Variants in RUNX2 observed in about 807,000 individuals in gnomAD.
RUNX2 encodes the protein runt-related transcription factor 2.
A neutral mutation model predicts 51.7 loss-of-function variants in RUNX2; 10 were observed. The observed-to-expected ratio is 0.19, with a 90% CI of 0.12 to 0.33. The LOEUF (loss-of-function observed/expected upper bound fraction) is 0.33, where lower values mean the gene tolerates loss of function less well. Ranked by LOEUF, RUNX2 falls within the 10% of genes least tolerant of loss-of-function variation. The pLI, the probability that RUNX2 is intolerant of heterozygous loss-of-function variation, is 1.00. For synonymous variants in RUNX2, 276 were observed against 273.6 expected (o/e 1.01, Z -0.09); for missense variants, 562 against 691.3 (o/e 0.81, Z 2.10).
chr6:45,400,294 AAG>A (rs1272192527), intron 2 of RUNX2, among the ~76,000 whole-genome samples: 1 of 151,958 alleles, frequency 6.6e-6, no homozygotes, highest in Non-Finnish European at 1.5e-5. Context: ...AGGTGGAGAA[AAG>A]AGAGGAGAAC....
At chr6:45,505,411 A>C (rs1292647121) in intron 6 of RUNX2, among the ~76,000 whole-genome samples, 1 of 146,744 alleles carries the variant, frequency 6.8e-6, no homozygotes, top group African/African-American at 2.5e-5. Context: ...ATATAACTCC[A>C]AGTGTTTAGG....
intron 2 of RUNX2, among the ~76,000 whole-genome samples, chr6:45,385,624 G>T (rs1289412398): frequency 6.6e-6 from 1 of 152,192 alleles, no homozygotes; most frequent in African/African-American, 2.4e-5. Context: ...AGCAGGCCAG[G>T]TGTGGTGGCT....
At chr6:45,364,106 C>T (rs1470283612) in intron 2 of RUNX2, among the ~76,000 whole-genome samples, 3 of 121,654 alleles carry the variant, frequency 2.5e-5, no homozygotes, top group Non-Finnish European at 5.2e-5. Context: ...CAGAGTGAGA[C>T]TCTGTCTCAA....
At position 45,422,621 on chromosome 6, in the gene RUNX2, C is replaced by T. The variant is rs142582606; in HGVS notation, c.87C>T (p.Pro29=). 1.9e-5 allele frequency: 31 copies of T among 1,607,096 alleles called. No homozygotes were observed. Among genetic ancestry groups the T allele is most frequent in the Middle Eastern group, 3.3e-4 (2 of 6,078 alleles). The change falls in exon 3 of 9, where the codon CCC becomes CCT. Residue 29 remains proline (P), a synonymous_variant. Transcript: ENST00000647337. Reference sequence around the variant, plus strand: ...CGAGCACCAGCCGGCGCTTCAGCCCCCCCTCCAGCAGCCTGCAGCCCGGCA... The same window carrying T: ...CGAGCACCAGCCGGCGCTTCAGCCCTCCCTCCAGCAGCCTGCAGCCCGGCA... ...WDPSTSRRFS[P]PSSSLQPGKM...
chr6:45,398,427 T>C (rs1797627646), intron 2 of RUNX2, among the ~76,000 whole-genome samples: 1 of 152,214 alleles, frequency 6.6e-6, no homozygotes, highest in Non-Finnish European at 1.5e-5. Context: ...CAATTTTTCC[T>C]TAAAATATTT....
chr6:45,546,382 T>C lies in RUNX2; in HGVS notation c.1088-445T>C, dbSNP rs530025757. Among the ~76,000 whole-genome samples the C allele has an allele frequency of 2.0e-5, 3 of 152,346 alleles. No homozygotes were observed. In the South Asian group the frequency reaches 6.2e-4, roughly 32 times the overall value. ...AGAGCCTACCAAGAGTAAATAACAG[T>C]AAGACATTATTTTGGAATTTCTTTA... is the stretch of plus-strand genomic sequence containing the variant. On this transcript the variant is annotated intron_variant, in intron 8 of 8. Coordinates refer to ENST00000647337, the MANE Select transcript of RUNX2 (RefSeq NM_001024630.4).
intron 6 of RUNX2, among the ~76,000 whole-genome samples, chr6:45,510,618 T>C (rs1410227697): frequency 6.6e-6 from 1 of 152,158 alleles, no homozygotes; most frequent in Non-Finnish European, 1.5e-5. Context: ...AGTATATTAA[T>C]AGTTTTTATT....
At chr6:45,362,508 G>C (rs182361335) in intron 2 of RUNX2, among the ~76,000 whole-genome samples, 105 of 152,204 alleles carry the variant, frequency 6.9e-4, no homozygotes, top group Non-Finnish European at 1.1e-3. Context: ...AATGTATATT[G>C]AGTCTAATTT....
chr6:45,532,952 C>T (rs1437572086), intron 7 of RUNX2, among the ~76,000 whole-genome samples: 1 of 145,986 alleles, frequency 6.8e-6, no homozygotes, highest in African/African-American at 2.5e-5. Context: ...AGTAGCTCCT[C>T]TCAGACACCT....
chr6:45,453,100 C>A (rs1166253276), intron 5 of RUNX2, among the ~76,000 whole-genome samples: 1 of 152,080 alleles, frequency 6.6e-6, no homozygotes, highest in Non-Finnish European at 1.5e-5. Context: ...ACATTTGGGT[C>A]TCCCCCACCC....
chr6:45,549,193 A>G lies in RUNX2; in HGVS notation c.*1888A>G, dbSNP rs1490694689. The G allele has an allele frequency of 5.0e-6, 2 of 398,414 alleles. No individual in the cohort carries two copies. Among genetic ancestry groups the G allele is most frequent in the African/African-American group, 4.1e-5 (2 of 48,594 alleles). The allele number at this position is 398,414 out of a possible 1,614,324, so 24.7% of individuals were successfully genotyped here. A position where few individuals can be genotyped will look rare whatever the true frequency, so the allele number is the denominator to read the frequency against. The stretch of plus-strand genomic sequence containing the variant: ...ATCATCTAATGACACCACCAGGCCA[A>G]TCCCTGCTCTCCTCCCCGAAAAGTC... On this transcript the variant is annotated 3_prime_UTR_variant, in exon 9 of 9. Transcript: ENST00000647337.
intron 5 of RUNX2, among the ~76,000 whole-genome samples, chr6:45,484,270 G>T (rs1455842133): frequency 6.6e-6 from 1 of 152,098 alleles, no homozygotes; most frequent in Non-Finnish European, 1.5e-5. Context: ...AGGAAAGGAG[G>T]TGACAAAGAT....
intron 7 of RUNX2, chr6:45,513,723 C>G (rs1378138126): frequency 6.6e-6 from 1 of 152,168 alleles, no homozygotes; most frequent in East Asian, 1.9e-4. Flanking sequence ...TACCACTTTT[C>G]ATTATGACTC....
At chr6:45,507,036 T>A (rs995703232) in intron 6 of RUNX2, among the ~76,000 whole-genome samples, 2 of 151,884 alleles carry the variant, frequency 1.3e-5, no homozygotes, top group Admixed American at 1.3e-4. Flanking sequence ...TGTAGGTAGT[T>A]CATGGCTTTG....
At position 45,353,453 on chromosome 6, in the gene RUNX2, C is replaced by T. The variant is rs532781966; in HGVS notation, c.58+24669C>T. On this transcript the variant is annotated intron_variant, in intron 2 of 8. Coordinates refer to ENST00000647337, the MANE Select transcript of RUNX2 (RefSeq NM_001024630.4). ...GCAGTACTGGCAAAGGAATAGACTACTCAACGGAACAAAGCAGAAAAGTTT... is the reference window on the plus strand; with the variant it reads ...GCAGTACTGGCAAAGGAATAGACTATTCAACGGAACAAAGCAGAAAAGTTT... Among the ~76,000 whole-genome samples, 239 of 152,042 alleles carry T rather than the reference C, an allele frequency of 1.6e-3. 2 individuals are homozygous for T. Among genetic ancestry groups the T allele is most frequent in the African/African-American group, 5.3e-3 (222 of 41,520 alleles).
chr6:45,504,154 C>A (rs148538050), intron 6 of RUNX2, among the ~76,000 whole-genome samples: 2 of 152,158 alleles, frequency 1.3e-5, no homozygotes, highest in African/African-American at 4.8e-5. Flanking sequence ...CCGCACCTTG[C>A]TCTTGGGGCT....
chr6:45,349,787 A>C lies in RUNX2; in HGVS notation c.58+21003A>C, dbSNP rs546426734. 3.3e-5 allele frequency among the ~76,000 whole-genome samples: 5 copies of C among 152,280 alleles called. No individual in the cohort carries two copies. The South Asian group carries it at 1.0e-3, about 32-fold the overall frequency. On this transcript the variant is annotated intron_variant, in intron 2 of 8. Coordinates refer to ENST00000647337, the MANE Select transcript of RUNX2 (RefSeq NM_001024630.4). ...TGTCAGAATATAAGAAAGGCAACCA[A>C]ACAATGATTGCTTAACATACAATTC...
In RUNX2 at chr6:45,419,528, CAT is replaced by C. The variant is rs1798133742; in HGVS notation, c.59-3064_59-3063del. On this transcript the variant is annotated intron_variant, in intron 2 of 8. Coordinates refer to ENST00000647337, the MANE Select transcript of RUNX2 (RefSeq NM_001024630.4). ...TTGCAAGAGTGTGTGTCCGAGTGCA[CAT>C]GAGTGGACGTGTAAGGTAGGACAGC... 3.3e-5 allele frequency among the ~76,000 whole-genome samples: 5 copies of C among 152,252 alleles called. No individual in the cohort carries two copies. The South Asian group carries it at 1.0e-3, about 32-fold the overall frequency.
intron 2 of RUNX2, among the ~76,000 whole-genome samples, chr6:45,393,416 A>G (rs751277135): frequency 1.3e-4 from 20 of 151,370 alleles, no homozygotes; most frequent in Non-Finnish European, 2.4e-4. Context: ...GTGTTCTTGC[A>G]TTGTGTAAAG....
Sources: gnomAD v4.1 joint callset for allele counts (sites outside exome capture counted in the v4.1 genomes callset) on GRCh38, gnomAD v4.1.1 for gene constraint, MANE v1.5 for transcripts, NCBI Gene and HGNC (gene_info 2026-07-23, HGNC 2026-07-21) for gene names.